Variants in GLI3 observed in about 807,000 individuals in gnomAD.
The protein encoded by GLI3 is GLI family zinc finger 3, also known as transcription activator GLI3.
Under a neutral mutation model 100.8 loss-of-function variants are expected in GLI3, and 20 were observed. The ratio of observed to expected loss-of-function variants is 0.20; its 90% CI spans 0.14 to 0.29. The LOEUF is 0.29. Among genes scored for constraint, GLI3 ranks in the 10% least tolerant of loss-of-function variants. The pLI is 1.00. For synonymous variants in GLI3, 938 were observed against 860.5 expected (o/e 1.09, Z -1.58); for missense variants, 2,040 against 2,128.5 (o/e 0.96, Z 0.82).
chr7:42,182,665 T>C (rs1787628361), intron 2 of GLI3, among the ~76,000 whole-genome samples: 3 of 72,586 alleles, frequency 4.1e-5, no homozygotes, highest in Admixed American at 1.2e-4. Flanking sequence ...TATATATATA[T>C]ATATATATAT....
chr7:41,982,208 A>C (rs946806559), intron 10 of GLI3, among the ~76,000 whole-genome samples: 11 of 152,204 alleles, frequency 7.2e-5, no homozygotes, highest in Non-Finnish European at 1.5e-4. Context: ...TGGGGAACCA[A>C]GTCAATCTTC....
chr7:41,965,665 G>C lies in GLI3; in HGVS notation c.3408C>G (p.Asp1136Glu). The stretch of plus-strand genomic sequence containing the variant: ...CATGGAACTGCTGGCCAGCGTGGCT[G>C]TCTGGCAGCCCGGGCGCGTCAAAGT... Reference protein sequence around the residue: ...PGDFDAPGLPDSHAGQQFHAL... With the variant: ...PGDFDAPGLPESHAGQQFHAL... The change falls in exon 15 of 15, where the codon GAC becomes GAG. Residue 1136 changes from aspartate to glutamate, a missense_variant. Around this residue, in one of 5 missense-constraint regions of GLI3, gnomAD observed 1,041 missense variants for 924.0 expected, o/e 1.13. Transcript: ENST00000395925. The C allele has an allele frequency of 3.1e-6, 5 of 1,612,860 alleles. No individual in the cohort carries two copies. Among genetic ancestry groups the C allele is most frequent in the Non-Finnish European group, 4.2e-6 (5 of 1,179,204 alleles).
At position 41,972,674 on chromosome 7, in the gene GLI3, C is replaced by T. The variant is rs199956247; in HGVS notation, c.1813-47G>A. ...AGGTAAGAGATTGTTATGAAAGAGA[C>T]TATGCCCCAGCCCAAAAGTCCTTTA... is the stretch of plus-strand genomic sequence containing the variant. On this transcript the variant is annotated intron_variant, in intron 12 of 14. Coordinates refer to ENST00000395925, the MANE Select transcript of GLI3 (RefSeq NM_000168.6). The surrounding 1 kb of genome is among the most constrained non-coding windows in gnomAD (Gnocchi z 4.4). 1,916 of 1,521,380 alleles carry T rather than the reference C, an allele frequency of 1.3e-3. 9 individuals carry two copies. In the Middle Eastern group the frequency reaches 0.016, roughly 12 times the overall value. 94.2% of individuals were successfully genotyped at this position (1,521,380 alleles called of 1,614,324 possible). A position where few individuals can be genotyped will look rare whatever the true frequency, so the allele number is the denominator to read the frequency against.
intron 2 of GLI3, among the ~76,000 whole-genome samples, chr7:42,182,683 C>CATGTGTGTTTATATATATATATATATAT: frequency 1.8e-5 from 1 of 54,894 alleles, no homozygotes; most frequent in Non-Finnish European, 3.3e-5. Context: ...TATATATATA[C>CATGTGTGTTTATATATATATATATATAT]ACATGTGTGT....
chr7:42,128,826 C>T (rs958562625), intron 3 of GLI3, among the ~76,000 whole-genome samples: 1 of 152,094 alleles, frequency 6.6e-6, no homozygotes, highest in African/African-American at 2.4e-5. Context: ...CCTGTTATCA[C>T]CCTGTGCGGC....
At chr7:42,213,022 G>A (rs966380655) in intron 2 of GLI3, among the ~76,000 whole-genome samples, 4 of 152,190 alleles carry the variant, frequency 2.6e-5, no homozygotes, top group South Asian at 2.1e-4. Context: ...CCTAGGTTAC[G>A]AGCCTTTCAG....
At chr7:41,970,829 G>A (rs76335874) in intron 13 of GLI3, among the ~76,000 whole-genome samples, 5 of 152,108 alleles carry the variant, frequency 3.3e-5, no homozygotes, top group Non-Finnish European at 5.9e-5. Context: ...TGTTAAACAC[G>A]TGAGGATAAA....
rs1562661793 is a variant in GLI3, at chr7:41,968,721, A to AAAGAAAGAAAG, written c.2104-809_2104-799dup. Among the ~76,000 whole-genome samples the AAAGAAAGAAAG allele has an allele frequency of 3.5e-4, 36 of 103,254 alleles. 2 individuals are homozygous for AAAGAAAGAAAG. Among genetic ancestry groups the AAAGAAAGAAAG allele is most frequent in the African/African-American group, 1.6e-3 (33 of 20,908 alleles). The allele number at this position is 103,254 out of a possible 152,430, so 67.7% of individuals were successfully genotyped here. A position where few individuals can be genotyped will look rare whatever the true frequency, so the allele number is the denominator to read the frequency against. ...AGAAAGAAAGAAAGAAAGAAGAAAG[A>AAAGAAAGAAAG]AAGAAAGAAAGAAAGAAAGAAAGAA... On this transcript the variant is annotated intron_variant, in intron 13 of 14. Transcript: ENST00000395925.
At chr7:42,045,831 G>GC (rs947715075) in intron 5 of GLI3, among the ~76,000 whole-genome samples, 14 of 152,090 alleles carry the variant, frequency 9.2e-5, no homozygotes, top group African/African-American at 3.4e-4. Context: ...AACCACATTT[G>GC]CCCCCCAAAT....
At chr7:42,024,219 G>A (rs962768537) in intron 9 of GLI3, among the ~76,000 whole-genome samples, 11 of 152,178 alleles carry the variant, frequency 7.2e-5, no homozygotes, top group Non-Finnish European at 1.5e-4. Flanking sequence ...GGGCCCAGGG[G>A]CCACAGCATC....
At chr7:41,993,140 G>A (rs1160089407) in intron 10 of GLI3, among the ~76,000 whole-genome samples, 1 of 152,088 alleles carries the variant, frequency 6.6e-6, no homozygotes, top group African/African-American at 2.4e-5. Context: ...GTGACAAAGT[G>A]TCCGGCAAGA....
chr7:42,190,194 A>G (rs191731443), intron 2 of GLI3, among the ~76,000 whole-genome samples: 16 of 152,208 alleles, frequency 1.1e-4, no homozygotes, highest in Admixed American at 8.5e-4. Flanking sequence ...AAAGGTAAGA[A>G]GTGAAAATAA....
chr7:42,250,118 C>G (rs934733053), intron 1 of GLI3, among the ~76,000 whole-genome samples: 1 of 151,980 alleles, frequency 6.6e-6, no homozygotes, highest in African/African-American at 2.4e-5. Context: ...AAGTTACTCT[C>G]TTTTCTTCTT....
At chr7:42,224,354 A>G (rs1583660570) in intron 1 of GLI3, among the ~76,000 whole-genome samples, 1 of 152,252 alleles carries the variant, frequency 6.6e-6, no homozygotes, top group Admixed American at 6.5e-5. Context: ...TGCTTGACCA[A>G]CTAAAAGTTA....
chr7:42,061,616 T>C (rs1784571222), intron 4 of GLI3, among the ~76,000 whole-genome samples: 1 of 152,298 alleles, frequency 6.6e-6, no homozygotes, highest in South Asian at 2.1e-4. Flanking sequence ...TAGATGTAAC[T>C]GGAAGTAGAG....
chr7:42,155,906 G>A (rs1786991482), intron 2 of GLI3, among the ~76,000 whole-genome samples: 1 of 152,090 alleles, frequency 6.6e-6, no homozygotes, highest in Non-Finnish European at 1.5e-5. Context: ...ATGCCCTGTA[G>A]CCCATAGGGT....
At chr7:42,110,918 G>C (rs1187417538) in intron 3 of GLI3, among the ~76,000 whole-genome samples, 2 of 152,142 alleles carry the variant, frequency 1.3e-5, no homozygotes, top group African/African-American at 2.4e-5. Context: ...TGAGCCTGTG[G>C]TGGTTTGAGA....
intron 4 of GLI3, among the ~76,000 whole-genome samples, chr7:42,062,195 G>GC (rs1172237472): frequency 1.3e-5 from 2 of 152,044 alleles, no homozygotes; most frequent in Non-Finnish European, 2.9e-5. Context: ...AAGGTTTAAG[G>GC]CCCCATTTGT....
chr7:42,037,579 A>G (rs1009219141), intron 7 of GLI3, among the ~76,000 whole-genome samples: 1 of 152,228 alleles, frequency 6.6e-6, no homozygotes, highest in African/African-American at 2.4e-5. Context: ...GTCCTAAAAT[A>G]CAGCAAATGT....
Sources: gnomAD v4.1 joint callset for allele counts (sites outside exome capture counted in the v4.1 genomes callset) on GRCh38, gnomAD v4.1.1 for gene constraint, gnomAD v4.1.1 regional missense constraint, Gnocchi (gnomAD v3.1) non-coding constraint, MANE v1.5 for transcripts, NCBI Gene and HGNC (gene_info 2026-07-23, HGNC 2026-07-21) for gene names.